The following AKAP11 variants were observed in gnomAD, a reference collection of about 807,000 sequenced individuals.
The protein encoded by AKAP11 is A-kinase anchoring protein 11.
Under a neutral mutation model 146.1 loss-of-function variants are expected in AKAP11, and 36 were observed. The observed-to-expected ratio is 0.25, with a 90% CI of 0.19 to 0.33. The LOEUF is 0.33. Among genes scored for constraint, AKAP11 ranks in the 10% least tolerant of loss-of-function variants. AKAP11 has a pLI of 1.00. For synonymous variants in AKAP11, 780 were observed against 786.5 expected (o/e 0.99, Z 0.14); for missense variants, 2,201 against 2,197.0 (o/e 1.00, Z -0.04).
rs2138743416 is a variant in AKAP11, at chr13:42,320,637, C to A, written c.*1409C>A. On this transcript the variant is annotated 3_prime_UTR_variant, in exon 13 of 13. Coordinates refer to ENST00000025301, the MANE Select transcript of AKAP11 (RefSeq NM_016248.4). ...TGTGTAAATGTTGGTTCTTCCACTA[C>A]TGGATTTTGTAATCTAGGATAAATC... The A allele has an allele frequency of 6.6e-6, 1 of 151,536 alleles. No individual in the cohort carries two copies. The highest frequency in any genetic ancestry group is 6.6e-5 in the Admixed American group (1 of 15,150). 9.4% of individuals were successfully genotyped at this position (151,536 alleles called of 1,614,324 possible).
At position 42,272,243 on chromosome 13, in the gene AKAP11, G is replaced by A. The variant is rs1958787272; in HGVS notation, c.-100+15G>A. The A allele has an allele frequency of 6.6e-6, 1 of 152,574 alleles. No homozygotes were observed. Among genetic ancestry groups the A allele is most frequent in the Non-Finnish European group, 1.5e-5 (1 of 68,246 alleles). The allele number at this position is 152,574 out of a possible 1,614,324, so 9.5% of individuals were successfully genotyped here. A position where few individuals can be genotyped will look rare whatever the true frequency, so the allele number is the denominator to read the frequency against. ...GCGGCCCCCAGGTGAGCCGGGCGCC[G>A]ACGTGCTCGCCGCGGAGGCTGCGTT... On this transcript the variant is annotated intron_variant, in intron 1 of 12. Coordinates refer to ENST00000025301, the MANE Select transcript of AKAP11 (RefSeq NM_016248.4).
Position 42,303,055 on chromosome 13 carries a change from A to T in AKAP11, c.4309A>T (p.Asn1437Tyr). 1 of 1,613,030 alleles carries T rather than the reference A, an allele frequency of 6.2e-7. No homozygotes were observed. Among genetic ancestry groups the T allele is most frequent in the Non-Finnish European group, 8.5e-7 (1 of 1,179,792 alleles). The change falls in exon 8 of 13, where the codon AAT becomes TAT. Residue 1437 changes from asparagine (N) to tyrosine (Y), a missense_variant. Coordinates refer to ENST00000025301, the MANE Select transcript of AKAP11 (RefSeq NM_016248.4). Reference protein sequence around the residue: ...SKRNEGYFCKNQTCERTLDPY... With the variant: ...SKRNEGYFCKYQTCERTLDPY... ...AAGAAATGAAGGTTACTTTTGTAAA[A>T]ATCAAACTTGTGAAAGGACCCTGGA...
intron 9 of AKAP11, among the ~76,000 whole-genome samples, chr13:42,310,057 A>G (rs113844346): frequency 6.6e-6 from 1 of 152,350 alleles, no homozygotes; most frequent in African/African-American, 2.4e-5. Flanking sequence ...TGAAAAAAGA[A>G]TCTCATTAAC....
At chr13:42,283,796 G>A (rs1224091040) in intron 1 of AKAP11, among the ~76,000 whole-genome samples, 2 of 152,208 alleles carry the variant, frequency 1.3e-5, no homozygotes, top group Admixed American at 6.5e-5. Flanking sequence ...TTTAGGCAAG[G>A]TTAGGAGCAG....
chr13:42,299,464 G>A lies in AKAP11; in HGVS notation c.718G>A (p.Gly240Arg). 1 of 1,613,822 alleles carries A rather than the reference G, an allele frequency of 6.2e-7. No individual in the cohort carries two copies. The highest frequency in any genetic ancestry group is 8.5e-7 in the Non-Finnish European group (1 of 1,179,802). Reference sequence around the variant, plus strand: ...TGATTTAAAGATTCTCATTAGCTCTGGACAGCAGAAGTCATTGGCTAAACC... The same window carrying A: ...TGATTTAAAGATTCTCATTAGCTCTAGACAGCAGAAGTCATTGGCTAAACC... ...THDLKILISS[G>R]QQKSLAKPST... Residue 240 changes from glycine (G) to arginine (R), a missense_variant, in exon 8 of 13, where the codon GGA becomes AGA. Coordinates refer to ENST00000025301, the MANE Select transcript of AKAP11 (RefSeq NM_016248.4).
chr13:42,283,078 C>T (rs1959097330), intron 1 of AKAP11, among the ~76,000 whole-genome samples: 2 of 152,188 alleles, frequency 1.3e-5, no homozygotes, highest in South Asian at 4.1e-4. Context: ...TTTCTTCCCC[C>T]ATCAATCTTT....
At position 42,319,295 on chromosome 13, in the gene AKAP11, A is replaced by G; in HGVS notation, c.*67A>G. 1 of 1,560,216 alleles carries G rather than the reference A, an allele frequency of 6.4e-7. No individual in the cohort carries two copies. Among genetic ancestry groups the G allele is most frequent in the Non-Finnish European group, 8.6e-7 (1 of 1,156,988 alleles). On this transcript the variant is annotated 3_prime_UTR_variant, in exon 13 of 13. Coordinates refer to ENST00000025301, the MANE Select transcript of AKAP11 (RefSeq NM_016248.4). ...GGGGAACAAGCCAATAAAGATGTTT[A>G]GGATAAAATTTGAATAGTGAATATT...
intron 10 of AKAP11, 38 bp from the exon 11 acceptor site, chr13:42,313,856 A>AT (rs778407659): frequency 1.5e-5 from 24 of 1,587,418 alleles, no homozygotes; most frequent in African/African-American, 2.7e-5. Context: ...TATTAATTAA[A>AT]TTTTTTTTGT....
In AKAP11 at chr13:42,303,521, T is replaced by C; in HGVS notation, c.4775T>C (p.Leu1592Pro). 6.2e-7 allele frequency: 1 copy of C among 1,614,204 alleles called. No individual in the cohort carries two copies. Among genetic ancestry groups the C allele is most frequent in the Non-Finnish European group, 8.5e-7 (1 of 1,180,026 alleles). Residue 1592 changes from leucine to proline, a missense_variant, in exon 8 of 13, where the codon CTT becomes CCT. Leu to Pro is a moderately conservative substitution (Grantham distance 98, BLOSUM62 -3). Transcript: ENST00000025301. ...LTGQACRYCD[L>P]KELHNCTGNS... ...GGTCAAGCTTGCAGATACTGTGACC[T>C]TAAAGAACTCCACAATTGCACTGGA... is the stretch of plus-strand genomic sequence containing the variant.
At position 42,303,169 on chromosome 13, in the gene AKAP11, G is replaced by A. The variant is rs766883072; in HGVS notation, c.4423G>A (p.Ala1475Thr). 1 of 1,614,196 alleles carries A rather than the reference G, an allele frequency of 6.2e-7. No individual in the cohort carries two copies. The highest frequency in any genetic ancestry group is 8.5e-7 in the Non-Finnish European group (1 of 1,180,030). ...AAAAGATGCTAAGGAAGAGTTGACA[G>A]CCTCTCTAGTTGGCCTACCAAAATC... ...ITKDAKEELT[A>T]SLVGLPKSLT... Residue 1475 changes from alanine (A) to threonine (T), a missense_variant, in exon 8 of 13, where the codon GCC (alanine) becomes ACC (threonine). By Grantham distance (58) the Ala-to-Thr change is moderately conservative. Around this residue, in one of 3 missense-constraint regions of AKAP11, gnomAD observed 1,867 missense variants for 1,833.5 expected, o/e 1.02. Transcript: ENST00000025301.
At chr13:42,296,734 T>C (rs1260162518) in intron 5 of AKAP11, among the ~76,000 whole-genome samples, 2 of 152,064 alleles carry the variant, frequency 1.3e-5, no homozygotes, top group Non-Finnish European at 2.9e-5. Flanking sequence ...AAGACCTATA[T>C]GTTGACATTG....
intron 11 of AKAP11, among the ~76,000 whole-genome samples, 183 bp from the exon 12 acceptor site, chr13:42,317,345 T>G (rs1227180531): frequency 1.3e-5 from 2 of 152,252 alleles, no homozygotes; most frequent in East Asian, 3.8e-4. Flanking sequence ...TCCTTTGTTT[T>G]ACATTATTTT....
rs1190777783 is a variant in AKAP11, at chr13:42,320,541, C to G, written c.*1313C>G. The G allele has an allele frequency of 7.1e-6, 1 of 140,236 alleles. No individual in the cohort carries two copies. The highest frequency in any genetic ancestry group is 2.6e-5 in the African/African-American group (1 of 38,062). 8.7% of individuals were successfully genotyped at this position (140,236 alleles called of 1,614,324 possible). Reference sequence around the variant, plus strand: ...TCCCCCCTCCTCCCACTGTCTCTCACCTCCCCCACCCCCCACTCTCTCTCA... The same window carrying G: ...TCCCCCCTCCTCCCACTGTCTCTCAGCTCCCCCACCCCCCACTCTCTCTCA... On this transcript the variant is annotated 3_prime_UTR_variant, in exon 13 of 13. Coordinates refer to ENST00000025301, the MANE Select transcript of AKAP11 (RefSeq NM_016248.4).
chr13:42,319,913 G>GTGTGTGTGTGTGTGTA lies in AKAP11; in HGVS notation c.*700_*701insATGTGTGTGTGTGTGT, dbSNP rs1961009738. 9.9e-6 allele frequency: 1 copy of GTGTGTGTGTGTGTGTA among 101,090 alleles called. No homozygotes were observed. Among genetic ancestry groups the GTGTGTGTGTGTGTGTA allele is most frequent in the Admixed American group, 9.7e-5 (1 of 10,346 alleles). The allele number at this position is 101,090 out of a possible 1,614,324, so 6.3% of individuals were successfully genotyped here. On this transcript the variant is annotated 3_prime_UTR_variant, in exon 13 of 13. Coordinates refer to ENST00000025301, the MANE Select transcript of AKAP11 (RefSeq NM_016248.4). ...AGTCATTCTGGCATGAAAGGTGTGT[G>GTGTGTGTGTGTGTGTA]TGTGTGTGTGTGTGTGTGTGTGTGT... is the stretch of plus-strand genomic sequence containing the variant.
At chr13:42,297,430 T>C (rs1959582951) in intron 6 of AKAP11, among the ~76,000 whole-genome samples, 1 of 151,986 alleles carries the variant, frequency 6.6e-6, no homozygotes, top group African/African-American at 2.4e-5. Context: ...CAAGTACATG[T>C]TAATTTTTTC....
intron 3 of AKAP11, among the ~76,000 whole-genome samples, chr13:42,291,339 A>G (rs931006646): frequency 1.3e-5 from 2 of 152,040 alleles, no homozygotes; most frequent in African/African-American, 4.8e-5. Flanking sequence ...TGCAACCCCC[A>G]CCTCCCAGGT....
At chr13:42,287,365 G>A (rs538132096) in intron 3 of AKAP11, among the ~76,000 whole-genome samples, 1 of 152,054 alleles carries the variant, frequency 6.6e-6, no homozygotes, top group African/African-American at 2.4e-5. Context: ...CTTACTGCAA[G>A]CTCTGACTCC....
At chr13:42,313,748 T>G in intron 10 of AKAP11, 146 bp from the exon 11 acceptor site, 1 of 651,614 alleles carries the variant, frequency 1.5e-6, no homozygotes. Flanking sequence ...AAGCAAAGCT[T>G]CCTTTTTTAA....
chr13:42,273,113 C>G (rs1343355901), intron 1 of AKAP11, among the ~76,000 whole-genome samples: 2 of 152,134 alleles, frequency 1.3e-5, no homozygotes, highest in Non-Finnish European at 2.9e-5. Context: ...GGAGTTAATT[C>G]CTGTTCTCTT....
Sources: gnomAD v4.1 joint callset for allele counts (sites outside exome capture counted in the v4.1 genomes callset) on GRCh38, gnomAD v4.1.1 for gene constraint, gnomAD v4.1.1 regional missense constraint, MANE v1.5 for transcripts, NCBI Gene and HGNC (gene_info 2026-07-23, HGNC 2026-07-21) for gene names.